Variants in ARHGEF4 observed in about 807,000 individuals in gnomAD.
ARHGEF4 encodes the protein APC-stimulated guanine nucleotide exchange factor 1.
Under a neutral mutation model 162.0 loss-of-function variants are expected in ARHGEF4, and 119 were observed. The ratio of observed to expected loss-of-function variants is 0.73; its 90% confidence interval spans 0.63 to 0.86. The LOEUF is 0.86. Ranked by LOEUF, ARHGEF4 falls within the 40% of genes least tolerant of loss-of-function variation. ARHGEF4 has a pLI of 0.00. For synonymous variants in ARHGEF4, 1,014 were observed against 979.9 expected (o/e 1.03, Z -0.65); for missense variants, 2,488 against 2,456.0 (o/e 1.01, Z -0.28).
At chr2:131,027,756 T>C (rs955081586) in intron 4 of ARHGEF4, among the ~76,000 whole-genome samples, 189 bp from the exon 5 acceptor site, 2 of 152,202 alleles carry the variant, frequency 1.3e-5, no homozygotes, top group East Asian at 1.9e-4. Flanking sequence ...TGTGAGTGAG[T>C]TGGTGCATTC....
chr2:130,852,731 C>T (rs1019244565), intron 1 of ARHGEF4, among the ~76,000 whole-genome samples: 5 of 152,166 alleles, frequency 3.3e-5, no homozygotes, highest in African/African-American at 4.8e-5. Context: ...GCCTGAGCCC[C>T]GTCGCCTCCT....
intron 1 of ARHGEF4, among the ~76,000 whole-genome samples, chr2:130,909,904 A>G (rs752654106): frequency 6.6e-6 from 1 of 152,204 alleles, no homozygotes; most frequent in Non-Finnish European, 1.5e-5. Context: ...AGTTGAGTTC[A>G]CACACACAAA....
At chr2:130,949,900 C>T (rs139245357) in intron 4 of ARHGEF4, among the ~76,000 whole-genome samples, 1 of 152,052 alleles carries the variant, frequency 6.6e-6, no homozygotes, top group East Asian at 1.9e-4. Flanking sequence ...CTGTTTGCCT[C>T]AGTTTCCCAA....
chr2:130,837,182 G>A (rs1680252947), intron 1 of ARHGEF4, among the ~76,000 whole-genome samples, 190 bp downstream of exon 1: 1 of 152,110 alleles, frequency 6.6e-6, no homozygotes, highest in African/African-American at 2.4e-5. Flanking sequence ...CTGCAAAGTG[G>A]GGCCGTCTCG....
intron 4 of ARHGEF4, among the ~76,000 whole-genome samples, chr2:131,002,028 T>C (rs1260225320): frequency 6.6e-6 from 1 of 152,148 alleles, no homozygotes; most frequent in Non-Finnish European, 1.5e-5. Context: ...CGGAATACTT[T>C]CTTTTCTATT....
chr2:130,919,184 G>A (rs557246930), intron 2 of ARHGEF4, among the ~76,000 whole-genome samples: 1 of 152,118 alleles, frequency 6.6e-6, no homozygotes, highest in African/African-American at 2.4e-5. Flanking sequence ...TTCCTTTCAC[G>A]GTTCTTCTAC....
intron 4 of ARHGEF4, among the ~76,000 whole-genome samples, chr2:130,951,215 G>T (rs1234919209): frequency 2.0e-5 from 3 of 152,218 alleles, no homozygotes; most frequent in African/African-American, 7.2e-5. Context: ...AACTGGAGTA[G>T]CACTTTTCAT....
At chr2:130,958,943 T>C (rs1684461919) in intron 4 of ARHGEF4, among the ~76,000 whole-genome samples, 1 of 150,702 alleles carries the variant, frequency 6.6e-6, no homozygotes, top group Non-Finnish European at 1.5e-5. Context: ...ATTTCTTTTC[T>C]TTCTTTTTTT....
chr2:130,874,292 G>A (rs751961399), intron 1 of ARHGEF4, among the ~76,000 whole-genome samples: 1 of 152,212 alleles, frequency 6.6e-6, no homozygotes. Flanking sequence ...TCTTCCTCAT[G>A]TGTTGGGAAA....
chr2:130,910,143 G>C (rs1044777928), intron 1 of ARHGEF4, among the ~76,000 whole-genome samples: 6 of 152,020 alleles, frequency 3.9e-5, no homozygotes, highest in African/African-American at 1.5e-4. Flanking sequence ...ACCATGGTAC[G>C]TAATTACCTA....
At position 131,041,259 on chromosome 2, in the gene ARHGEF4, C is replaced by A; in HGVS notation, c.4692C>A (p.Tyr1564Ter). ...CCGACTTCCAGATCTACTCGGAGTA[C>A]TGCAATAACCACCCCAACGCCTGCG... ...HQADFQIYSE[Y>*]CNNHPNACVE... is the part of the protein sequence containing the mutation. Residue 1564 changes from tyrosine to a stop codon, truncating the protein, a stop_gained, in exon 9 of 14, where the codon TAC (tyrosine) becomes TAA (stop). Coordinates refer to ENST00000409359, the MANE Select transcript of ARHGEF4 (RefSeq NM_001367493.1). LOFTEE classifies it high-confidence loss of function. 6.2e-7 allele frequency: 1 copy of A among 1,613,882 alleles called. No individual in the cohort carries two copies. Among genetic ancestry groups the A allele is most frequent in the South Asian group, 1.1e-5 (1 of 91,090 alleles).
chr2:130,848,624 C>T (rs1209127423), intron 1 of ARHGEF4, among the ~76,000 whole-genome samples: 1 of 152,316 alleles, frequency 6.6e-6, no homozygotes, highest in Non-Finnish European at 1.5e-5. Context: ...CTGAGGACAG[C>T]GCTTGAGTGA....
At chr2:130,876,671 C>T (rs1425905317) in intron 1 of ARHGEF4, among the ~76,000 whole-genome samples, 1 of 152,308 alleles carries the variant, frequency 6.6e-6, no homozygotes, top group East Asian at 1.9e-4. Context: ...GTATTACAGG[C>T]TTGAGCCACC....
intron 1 of ARHGEF4, among the ~76,000 whole-genome samples, chr2:130,848,136 C>G (rs945638352): frequency 6.6e-6 from 1 of 152,284 alleles, no homozygotes; most frequent in Middle Eastern, 3.4e-3. Flanking sequence ...AGCAGGCCAT[C>G]TGCACAGGAT....
chr2:130,869,038 C>T (rs771861225), intron 1 of ARHGEF4, among the ~76,000 whole-genome samples: 4 of 152,248 alleles, frequency 2.6e-5, no homozygotes, highest in Non-Finnish European at 5.9e-5. Context: ...AGCCCCATCC[C>T]TTTTGCCCTA....
chr2:131,042,787 G>A (rs1690917816), intron 10 of ARHGEF4, among the ~76,000 whole-genome samples: 1 of 152,192 alleles, frequency 6.6e-6, no homozygotes, highest in South Asian at 2.1e-4. Flanking sequence ...CTCCCAGCTG[G>A]GGTTTGCATT....
chr2:131,044,557 T>C lies in ARHGEF4; in HGVS notation c.5401+15T>C. On this transcript the variant is annotated intron_variant, in intron 12 of 13. Coordinates refer to ENST00000409359, the MANE Select transcript of ARHGEF4 (RefSeq NM_001367493.1). ...CCAGGAGACAGGTTCGAGACCCTGCTGGGCCTTGCCCCGCCCCCAGGGCCC... is the reference window on the plus strand; with the variant it reads ...CCAGGAGACAGGTTCGAGACCCTGCCGGGCCTTGCCCCGCCCCCAGGGCCC... 1.3e-6 allele frequency: 2 copies of C among 1,545,818 alleles called. No individual in the cohort carries two copies. Among genetic ancestry groups the C allele is most frequent in the Non-Finnish European group, 1.7e-6 (2 of 1,143,798 alleles).
chr2:130,979,167 G>A (rs1311610901), intron 4 of ARHGEF4, among the ~76,000 whole-genome samples: 1 of 152,136 alleles, frequency 6.6e-6, no homozygotes, highest in Non-Finnish European at 1.5e-5. Flanking sequence ...TATTTCTGTG[G>A]CATACAACAA....
At chr2:131,045,655 A>C in intron 13 of ARHGEF4, 1 of 1,507,406 alleles carries the variant, frequency 6.6e-7, no homozygotes, top group South Asian at 1.3e-5. Flanking sequence ...TACTCTCAAC[A>C]CCTTGGCTCC....
Sources: allele counts gnomAD v4.1 joint callset (sites outside exome capture counted in the v4.1 genomes callset), GRCh38; gene constraint gnomAD v4.1.1; transcripts MANE v1.5; gene names NCBI Gene and HGNC (gene_info 2026-07-23, HGNC 2026-07-21).